The following PCSK5 variants were observed in gnomAD, a reference collection of about 807,000 sequenced individuals.
PCSK5 encodes proprotein convertase subtilisin/kexin type 5.
PCSK5 carries 129 observed loss-of-function variants against 233.2 expected under a neutral mutation model. The observed-to-expected ratio is 0.55, with a 90% CI of 0.48 to 0.64. The LOEUF (loss-of-function observed/expected upper bound fraction) is 0.64. PCSK5 is among the 30% of genes least tolerant of loss of function. The pLI is 0.00. For synonymous variants in PCSK5, 825 were observed against 879.2 expected (o/e 0.94, Z 1.09); for missense variants, 2,076 against 2,430.1 (o/e 0.85, Z 3.06).
chr9:75,972,565 T>C (rs1056365920), intron 2 of PCSK5, among the ~76,000 whole-genome samples: 1 of 152,186 alleles, frequency 6.6e-6, no homozygotes, highest in Non-Finnish European at 1.5e-5. Flanking sequence ...TGAGCAGTGG[T>C]TTGTAGTTCT....
chr9:76,029,365 T>C (rs1828561641), intron 5 of PCSK5, among the ~76,000 whole-genome samples: 1 of 152,004 alleles, frequency 6.6e-6, no homozygotes, highest in South Asian at 2.1e-4. Flanking sequence ...GGATTTAGTT[T>C]AAATGGAAGA....
chr9:76,331,317 G>A lies in PCSK5; in HGVS notation c.4571-1116G>A, dbSNP rs1829527700. ...TTAGTTGAGGATCTCGGCATAGAGA[G>A]ATTATCCTGCATTATCCACGTAGAC... On this transcript the variant is annotated intron_variant, in intron 33 of 37. Transcript: ENST00000674117. Among the ~76,000 whole-genome samples, 3 of 152,126 alleles carry A rather than the reference G, an allele frequency of 2.0e-5. No homozygotes were observed. The South Asian group carries it at 6.2e-4, about 32-fold the overall frequency.
At chr9:76,016,017 G>C (rs1827933577) in intron 3 of PCSK5, among the ~76,000 whole-genome samples, 1 of 152,132 alleles carries the variant, frequency 6.6e-6, no homozygotes, top group African/African-American at 2.4e-5. Context: ...CTTCATCCCT[G>C]ACTCGCCCTT....
At chr9:76,258,464 G>C (rs1203668700) in intron 24 of PCSK5, among the ~76,000 whole-genome samples, 1 of 152,140 alleles carries the variant, frequency 6.6e-6, no homozygotes, top group African/African-American at 2.4e-5. Flanking sequence ...AGCTGCCCAA[G>C]CTAATTGTAA....
At chr9:76,333,046 T>C (rs1228007624) in intron 34 of PCSK5, among the ~76,000 whole-genome samples, 2 of 152,170 alleles carry the variant, frequency 1.3e-5, no homozygotes, top group African/African-American at 4.8e-5. Context: ...CATGGTGCCA[T>C]CAGGCTATAG....
At chr9:76,085,159 C>T (rs7873411) in intron 7 of PCSK5, among the ~76,000 whole-genome samples, 10,249 of 152,200 alleles carry the variant, frequency 0.067, 375 homozygotes, top group Middle Eastern at 0.1. Context: ...TCTGTTCACA[C>T]TCAGCTCCTA....
At chr9:76,139,968 G>C (rs540581083) in intron 10 of PCSK5, among the ~76,000 whole-genome samples, 2 of 152,014 alleles carry the variant, frequency 1.3e-5, no homozygotes, top group East Asian at 3.9e-4. Context: ...ATGCCCACTT[G>C]TCTCATCAGA....
chr9:76,203,448 G>GT, intron 20 of PCSK5, among the ~76,000 whole-genome samples: 1 of 151,798 alleles, frequency 6.6e-6, no homozygotes, highest in African/African-American at 2.4e-5. Flanking sequence ...TGGGCCCAAG[G>GT]TAGAGGCAAT....
chr9:76,048,078 T>C (rs1369366770), intron 5 of PCSK5, among the ~76,000 whole-genome samples: 1 of 152,226 alleles, frequency 6.6e-6, no homozygotes, highest in Non-Finnish European at 1.5e-5. Flanking sequence ...CCATTTTTAC[T>C]GATCTCACAC....
intron 2 of PCSK5, among the ~76,000 whole-genome samples, chr9:75,960,933 A>G (rs1825325967): frequency 7.6e-6 from 1 of 131,252 alleles, no homozygotes; most frequent in African/African-American, 2.9e-5. Context: ...TCCAGAAACC[A>G]AGTAGATGAC....
chr9:76,118,221 A>G (rs1200736762), intron 9 of PCSK5, among the ~76,000 whole-genome samples: 1 of 152,130 alleles, frequency 6.6e-6, no homozygotes, highest in Admixed American at 6.6e-5. Flanking sequence ...GCCTGTAGAG[A>G]TGCTATTCAG....
chr9:75,952,367 T>C (rs1297271872), intron 2 of PCSK5, among the ~76,000 whole-genome samples: 2 of 152,228 alleles, frequency 1.3e-5, no homozygotes, highest in African/African-American at 4.8e-5. Flanking sequence ...AGCACCTTTC[T>C]ACTCCATTGT....
At chr9:76,330,263 G>A (rs1021791883) in intron 33 of PCSK5, among the ~76,000 whole-genome samples, 2 of 152,160 alleles carry the variant, frequency 1.3e-5, no homozygotes, top group African/African-American at 4.8e-5. Flanking sequence ...ATGAAACAAT[G>A]TCCTCAGGTT....
At chr9:76,012,696 G>A (rs1563972065) in intron 3 of PCSK5, among the ~76,000 whole-genome samples, 4 of 152,148 alleles carry the variant, frequency 2.6e-5, no homozygotes, top group Admixed American at 2.0e-4. Context: ...AAGAAGTCAT[G>A]TTACTAGGAA....
chr9:76,343,165 A>AT (rs57723867), intron 35 of PCSK5, among the ~76,000 whole-genome samples: 313 of 141,126 alleles, frequency 2.2e-3, no homozygotes, highest in African/African-American at 6.5e-3. Flanking sequence ...TTAGGATAGA[A>AT]TTTTTTTTTT....
intron 2 of PCSK5, among the ~76,000 whole-genome samples, chr9:75,951,857 T>C (rs1247951747): frequency 6.6e-6 from 1 of 152,170 alleles, no homozygotes; most frequent in Non-Finnish European, 1.5e-5. Context: ...TAAAAGTATA[T>C]AAGCTACATA....
At chr9:75,925,902 C>T (rs1264609782) in intron 1 of PCSK5, among the ~76,000 whole-genome samples, 4 of 152,238 alleles carry the variant, frequency 2.6e-5, no homozygotes, top group Non-Finnish European at 5.9e-5. Flanking sequence ...AACAGTATCT[C>T]ATCACTGCCT....
chr9:75,925,334 A>G (rs1823437884), intron 1 of PCSK5, among the ~76,000 whole-genome samples: 1 of 152,212 alleles, frequency 6.6e-6, no homozygotes, highest in African/African-American at 2.4e-5. Context: ...AACTTTCACT[A>G]AGGTTTAGAG....
chr9:76,033,702 TG>T (rs1828740423), intron 5 of PCSK5, among the ~76,000 whole-genome samples: 1 of 152,214 alleles, frequency 6.6e-6, no homozygotes, highest in Non-Finnish European at 1.5e-5. Flanking sequence ...TTCTGGAACC[TG>T]GGATCGAGGC....
Sources: gnomAD v4.1 joint callset for allele counts (sites outside exome capture counted in the v4.1 genomes callset) on GRCh38, gnomAD v4.1.1 for gene constraint, MANE v1.5 for transcripts, NCBI Gene and HGNC (gene_info 2026-07-23, HGNC 2026-07-21) for gene names.